KNTC1: variants seen among roughly 807,000 people sequenced by gnomAD.
The protein encoded by KNTC1 is kinetochore associated 1.
KNTC1 carries 253 observed loss-of-function variants against 314.4 expected under a neutral mutation model. The observed-to-expected ratio is 0.80, with a 90% CI of 0.73 to 0.89. The LOEUF is 0.89. Ranked by LOEUF, KNTC1 falls within the 40% of genes least tolerant of loss-of-function variation. The pLI, the probability that KNTC1 is intolerant of heterozygous loss-of-function variation, is 0.00. For synonymous variants in KNTC1, 901 were observed against 901.4 expected (o/e 1.00, Z 0.01); for missense variants, 2,475 against 2,572.9 (o/e 0.96, Z 0.82).
chr12:122,580,888 C>T lies in KNTC1; in HGVS notation c.2982+218C>T, dbSNP rs555565298. ...CTAAAAATACAAAAAATTAGCCAGG[C>T]GTGGTGGCACTCACCTGTAGTCCCA... is the stretch of plus-strand genomic sequence containing the variant. On this transcript the variant is annotated intron_variant, in intron 33 of 63. Coordinates refer to ENST00000333479, the MANE Select transcript of KNTC1 (RefSeq NM_014708.6). Among the ~76,000 whole-genome samples the T allele has an allele frequency of 3.4e-3, 523 of 152,138 alleles. 2 individuals are homozygous for T. Among genetic ancestry groups the T allele is most frequent in the African/African-American group, 0.012 (511 of 41,512 alleles).
intron 24 of KNTC1, among the ~76,000 whole-genome samples, chr12:122,572,268 G>T (rs1046890933): frequency 2.0e-5 from 3 of 152,076 alleles, no homozygotes; most frequent in Non-Finnish European, 2.9e-5. Context: ...GGTGGTGGGT[G>T]CCTGTAGTCC....
At chr12:122,601,155 T>C (rs1459978483) in intron 44 of KNTC1, among the ~76,000 whole-genome samples, 1 of 152,104 alleles carries the variant, frequency 6.6e-6, no homozygotes, top group Non-Finnish European at 1.5e-5. Context: ...CAATCTCAGC[T>C]CACTGCAAGC....
intron 20 of KNTC1, among the ~76,000 whole-genome samples, chr12:122,563,418 A>G (rs1181331530): frequency 1.3e-5 from 2 of 152,212 alleles, no homozygotes; most frequent in Non-Finnish European, 2.9e-5. Context: ...ATTTAACAGT[A>G]ATAATTATGT....
intron 51 of KNTC1, among the ~76,000 whole-genome samples, chr12:122,608,581 A>G (rs1344831779): frequency 6.6e-6 from 1 of 152,206 alleles, no homozygotes; most frequent in Non-Finnish European, 1.5e-5. Context: ...TGACTTTTAG[A>G]AACCAGCCTT....
intron 35 of KNTC1, 68 bp downstream of exon 35, chr12:122,584,518 T>C (rs1240097105): frequency 2.4e-6 from 3 of 1,228,204 alleles, no homozygotes; most frequent in Non-Finnish European, 3.4e-6. Context: ...TCCCAAATGC[T>C]GTCTCTTTAC....
Position 122,582,994 on chromosome 12 carries a change from C to G in KNTC1, c.3263+9C>G, listed in dbSNP as rs146257705. ...GCACTGAAAAAATGCAGGTGACATTCCAGATCCCTGAATTGCATAGCTTCT... is the reference window on the plus strand; with the variant it reads ...GCACTGAAAAAATGCAGGTGACATTGCAGATCCCTGAATTGCATAGCTTCT... On this transcript the variant is annotated intron_variant, in intron 34 of 63. Coordinates refer to ENST00000333479, the MANE Select transcript of KNTC1 (RefSeq NM_014708.6). 1 of 1,598,256 alleles carries G rather than the reference C, an allele frequency of 6.3e-7. No homozygotes were observed. The highest frequency in any genetic ancestry group is 8.5e-7 in the Non-Finnish European group (1 of 1,170,330).
chr12:122,616,603 A>G (rs1440720079), intron 57 of KNTC1, among the ~76,000 whole-genome samples: 1 of 152,188 alleles, frequency 6.6e-6, no homozygotes, highest in African/African-American at 2.4e-5. Flanking sequence ...GTGTGTGCAT[A>G]TCTACAGTGT....
In KNTC1 at chr12:122,568,306, A is replaced by C; in HGVS notation, c.1650A>C (p.Lys550Asn). Residue 550 changes from lysine (K) to asparagine (N), a missense_variant, in exon 21 of 64, where the codon AAA becomes AAC. Lys to Asn is a moderately conservative substitution (Grantham distance 94). Coordinates refer to ENST00000333479, the MANE Select transcript of KNTC1 (RefSeq NM_014708.6). ...IEFLNNEDDLKDIFLQLKEGN... is the reference protein window; with the variant it reads ...IEFLNNEDDLNDIFLQLKEGN... ...TTCTAAATAATGAAGATGATCTTAA[A>C]GATATTTTTTTACAGCTAAAAGAAG... 2 of 1,593,262 alleles carry C rather than the reference A, an allele frequency of 1.3e-6. No homozygotes were observed. Among genetic ancestry groups the C allele is most frequent in the South Asian group, 2.2e-5 (2 of 89,930 alleles).
intron 18 of KNTC1, 49 bp downstream of exon 18, chr12:122,557,738 G>C: frequency 7.7e-7 from 1 of 1,305,558 alleles, no homozygotes; most frequent in Non-Finnish European, 1.1e-6. Context: ...GGGAGAATTT[G>C]CTTTAATCTC....
In KNTC1 at chr12:122,615,063, CA is replaced by C; in HGVS notation, c.5954del (p.Lys1985SerfsTer7). ...YDLQLWNGLL[Q>X]KLLGFNMIPY... is the part of the protein sequence containing the mutation. ...CCTGCAGCTTTGGAATGGACTCTTG[CA>C]AAAGCTTCTGGGCTTCAATATGGTA... On this transcript the variant is annotated frameshift_variant, in exon 56 of 64. Transcript: ENST00000333479. LOFTEE classifies it high-confidence loss of function. 3 of 1,612,836 alleles carry C rather than the reference CA, an allele frequency of 1.9e-6. No homozygotes were observed. The highest frequency in any genetic ancestry group is 1.7e-6 in the Non-Finnish European group (2 of 1,179,246).
intron 12 of KNTC1, among the ~76,000 whole-genome samples, chr12:122,548,768 G>T (rs1460679687): frequency 6.6e-6 from 1 of 151,968 alleles, no homozygotes; most frequent in Non-Finnish European, 1.5e-5. Flanking sequence ...AAGAGTTTGA[G>T]ACCAGTCTGG....
chr12:122,564,923 C>T (rs1964210956), intron 20 of KNTC1, among the ~76,000 whole-genome samples: 1 of 152,016 alleles, frequency 6.6e-6, no homozygotes, highest in Admixed American at 6.6e-5. Context: ...TATTTTGGTG[C>T]CACATGGAAG....
chr12:122,543,279 A>C (rs991194049), intron 6 of KNTC1, among the ~76,000 whole-genome samples: 2 of 151,772 alleles, frequency 1.3e-5, no homozygotes, highest in African/African-American at 4.9e-5. Context: ...GACAAGATTG[A>C]AGATTTGTTT....
chr12:122,565,624 T>C (rs1414319358), intron 20 of KNTC1, among the ~76,000 whole-genome samples: 1 of 152,078 alleles, frequency 6.6e-6, no homozygotes, highest in Non-Finnish European at 1.5e-5. Context: ...CAGTGGTTTA[T>C]ACCTGTAATC....
At position 122,571,093 on chromosome 12, in the gene KNTC1, G is replaced by C. The variant is rs756760642; in HGVS notation, c.1986G>C (p.Leu662Phe). 3 of 1,613,574 alleles carry C rather than the reference G, an allele frequency of 1.9e-6. No homozygotes were observed. The highest frequency in any genetic ancestry group is 2.2e-5 in the South Asian group (2 of 91,064). ...TTACAGCAGAAAAAACAGACGAGTTGGGATTGGCATCTTCCTGGCATTGGA... is the reference window on the plus strand; with the variant it reads ...TTACAGCAGAAAAAACAGACGAGTTCGGATTGGCATCTTCCTGGCATTGGA... Reference protein sequence around the residue: ...IFFTAEKTDELGLASSWHWIS... With the variant: ...IFFTAEKTDEFGLASSWHWIS... Residue 662 changes from leucine to phenylalanine, a missense_variant, in exon 24 of 64, where the codon TTG becomes TTC. Transcript: ENST00000333479.
chr12:122,601,006 A>G (rs1298236869), intron 44 of KNTC1, among the ~76,000 whole-genome samples: 1 of 152,130 alleles, frequency 6.6e-6, no homozygotes, highest in East Asian at 1.9e-4. Context: ...ACAGCCTTTG[A>G]TACCTTTTTT....
rs759676623 is a variant in KNTC1 at position 122,602,860 on chromosome 12, A to G, written c.4857A>G (p.Thr1619=). 3.7e-6 allele frequency: 6 copies of G among 1,611,352 alleles called. No homozygotes were observed. The highest frequency in any genetic ancestry group is 3.3e-5 in the Admixed American group (2 of 59,968). The change falls in exon 47 of 64, where the codon ACA becomes ACG. Residue 1619 remains threonine, a synonymous_variant. Transcript: ENST00000333479. The stretch of plus-strand genomic sequence containing the variant: ...AACTCAGTGAAGAATCTTTCCCAAC[A>G]TTGCTCTTAATTTCGAAATTAATGA... ...STELSEESFP[T]LLLISKLMKF...
intron 16 of KNTC1, among the ~76,000 whole-genome samples, chr12:122,556,039 G>A (rs1276640250): frequency 6.6e-6 from 1 of 151,462 alleles, no homozygotes; most frequent in Non-Finnish European, 1.5e-5. Flanking sequence ...TTGAGATAGA[G>A]TGTTGTTTTG....
Position 122,622,481 on chromosome 12 carries a change from A to G in KNTC1, c.6389A>G (p.Asn2130Ser). Residue 2130 changes from asparagine (N) to serine (S), a missense_variant, in exon 62 of 64, where the codon AAT (asparagine) becomes AGT (serine). Coordinates refer to ENST00000333479, the MANE Select transcript of KNTC1 (RefSeq NM_014708.6). ...FSHQIRSLIL[N>S]NIINKKEFGI... ...CTATAGATTAGAAGTCTGATTTTGA[A>G]TAATATCATCAATAAGAAGGAGTTT... The G allele has an allele frequency of 2.5e-6, 4 of 1,580,934 alleles. No homozygotes were observed. Among genetic ancestry groups the G allele is most frequent in the East Asian group, 2.3e-5 (1 of 44,396 alleles).
Sources: gnomAD v4.1 joint callset for allele counts (sites outside exome capture counted in the v4.1 genomes callset) on GRCh38, gnomAD v4.1.1 for gene constraint, MANE v1.5 for transcripts, NCBI Gene and HGNC (gene_info 2026-07-23, HGNC 2026-07-21) for gene names.